The following FNDC3B variants were observed in gnomAD, a reference collection of about 807,000 sequenced individuals.
FNDC3B encodes fibronectin type III domain containing 3B.
Under a neutral mutation model 151.5 loss-of-function variants are expected in FNDC3B, and 12 were observed. The ratio of observed to expected loss-of-function variants is 0.08; its 90% CI spans 0.05 to 0.13. The LOEUF is 0.13. Among genes scored for constraint, FNDC3B ranks in the 10% least tolerant of loss-of-function variants. The pLI is 1.00. For missense variants in FNDC3B, 1,214 were observed against 1,505.3 expected, an observed-to-expected ratio of 0.81 and a Z score of 3.20; for synonymous variants, 528 against 549.0, an observed-to-expected ratio of 0.96 and a Z score of 0.54.
At chr3:172,079,572 G>A (rs1718182061) in intron 1 of FNDC3B, among the ~76,000 whole-genome samples, 1 of 152,306 alleles carries the variant, frequency 6.6e-6, no homozygotes. Context: ...CTGTTGTTGA[G>A]GTCTTACTTT....
intron 6 of FNDC3B, among the ~76,000 whole-genome samples, chr3:172,279,832 G>A (rs1012664456): frequency 2.6e-5 from 4 of 152,062 alleles, no homozygotes; most frequent in African/African-American, 9.7e-5. Flanking sequence ...CCCAGCATAA[G>A]TAATATTTCA....
chr3:172,347,463 G>T, intron 21 of FNDC3B, 102 bp downstream of exon 21: 1 of 825,488 alleles, frequency 1.2e-6, no homozygotes, highest in East Asian at 2.9e-5. Context: ...TGTCAGGAGG[G>T]ATGATATGGA....
chr3:172,057,837 T>C (rs780818294), intron 1 of FNDC3B, among the ~76,000 whole-genome samples: 4 of 151,788 alleles, frequency 2.6e-5, no homozygotes, highest in Non-Finnish European at 5.9e-5. Flanking sequence ...AAATGCTGTC[T>C]ACACCCATTA....
At chr3:172,114,013 G>A (rs1720120199) in intron 2 of FNDC3B, among the ~76,000 whole-genome samples, 1 of 152,160 alleles carries the variant, frequency 6.6e-6, no homozygotes, top group South Asian at 2.1e-4. Flanking sequence ...CTTCTCGCTG[G>A]TCTCTCTGCT....
At chr3:172,297,270 C>T (rs1348153058) in intron 8 of FNDC3B, among the ~76,000 whole-genome samples, 2 of 152,166 alleles carry the variant, frequency 1.3e-5, no homozygotes, top group African/African-American at 4.8e-5. Flanking sequence ...CAGGCAAGGT[C>T]TGGACACAGC....
chr3:172,070,537 CG>C (rs1681116118), intron 1 of FNDC3B, among the ~76,000 whole-genome samples: 1 of 152,106 alleles, frequency 6.6e-6, no homozygotes. Context: ...TAGTGGCTGA[CG>C]AGGGGAGAAG....
At chr3:172,110,070 C>T (rs1192099617) in intron 1 of FNDC3B, among the ~76,000 whole-genome samples, 3 of 152,130 alleles carry the variant, frequency 2.0e-5, no homozygotes, top group African/African-American at 4.8e-5. Flanking sequence ...TGCTATTTAG[C>T]GGGGTTGGAT....
intron 1 of FNDC3B, among the ~76,000 whole-genome samples, chr3:172,079,088 A>G (rs769469637): frequency 1.5e-4 from 23 of 152,294 alleles, no homozygotes; most frequent in Non-Finnish European, 2.5e-4. Flanking sequence ...ATATAAGGTC[A>G]GTGTTGGTTG....
At chr3:172,361,578 T>G (rs532555017) in intron 22 of FNDC3B, among the ~76,000 whole-genome samples, 51 of 152,156 alleles carry the variant, frequency 3.4e-4, no homozygotes, top group Admixed American at 6.6e-4. Flanking sequence ...CTGCCCATAT[T>G]TCCATCAGCG....
At chr3:172,296,843 G>A (rs1190320497) in intron 8 of FNDC3B, among the ~76,000 whole-genome samples, 1 of 152,214 alleles carries the variant, frequency 6.6e-6, no homozygotes, top group Non-Finnish European at 1.5e-5. Context: ...TATGAGACCT[G>A]TGGATATGCA....
intron 3 of FNDC3B, among the ~76,000 whole-genome samples, chr3:172,214,675 A>G (rs1454836806): frequency 6.6e-6 from 1 of 151,946 alleles, no homozygotes; most frequent in Non-Finnish European, 1.5e-5. Context: ...TTCCATTTCC[A>G]TAATCACTTT....
chr3:172,337,579 A>G, intron 16 of FNDC3B, 178 bp downstream of exon 16: 1 of 515,266 alleles, frequency 1.9e-6, no homozygotes, highest in East Asian at 3.2e-5. Flanking sequence ...AGCACCAGAG[A>G]TCAGAGTCTA....
In FNDC3B at chr3:172,377,889, A is replaced by G. The variant is rs535147338; in HGVS notation, c.3009-381A>G. ...CTTATTTCTCAGGTGTCCTGTTAAC[A>G]TTAACTTCATTGCCTAGTACATAGT... On this transcript the variant is annotated intron_variant, in intron 23 of 25. Coordinates refer to ENST00000415807, the MANE Select transcript of FNDC3B (RefSeq NM_022763.4). 2.3e-3 allele frequency among the ~76,000 whole-genome samples: 350 copies of G among 152,326 alleles called. 2 individuals carry two copies. Among genetic ancestry groups the G allele is most frequent in the African/African-American group, 7.7e-3 (319 of 41,580 alleles).
chr3:172,066,299 T>A (rs1717493706), intron 1 of FNDC3B, among the ~76,000 whole-genome samples: 1 of 152,224 alleles, frequency 6.6e-6, no homozygotes, highest in Non-Finnish European at 1.5e-5. Flanking sequence ...TTTTGCCATT[T>A]TAGGCATTAG....
At chr3:172,193,478 C>T (rs1251678514) in intron 3 of FNDC3B, among the ~76,000 whole-genome samples, 1 of 150,296 alleles carries the variant, frequency 6.7e-6, no homozygotes, top group Non-Finnish European at 1.5e-5. Flanking sequence ...AGACCAGTTA[C>T]TTTGAGTGAC....
intron 3 of FNDC3B, among the ~76,000 whole-genome samples, chr3:172,141,090 A>G (rs1034217991): frequency 6.6e-6 from 1 of 152,178 alleles, no homozygotes. Context: ...ATCCATTGTA[A>G]GTGTCATTAT....
intron 4 of FNDC3B, among the ~76,000 whole-genome samples, chr3:172,238,914 T>C (rs1727310773): frequency 6.6e-6 from 1 of 152,210 alleles, no homozygotes; most frequent in African/African-American, 2.4e-5. Context: ...GAATGATAGA[T>C]ATAAAATTAA....
chr3:172,201,693 C>T (rs1725163392), intron 3 of FNDC3B, among the ~76,000 whole-genome samples: 1 of 152,310 alleles, frequency 6.6e-6, no homozygotes, highest in South Asian at 2.1e-4. Context: ...TTCTCCAACT[C>T]CAGACCATGG....
chr3:172,219,722 T>C (rs1305691974), intron 3 of FNDC3B, among the ~76,000 whole-genome samples: 1 of 152,238 alleles, frequency 6.6e-6, no homozygotes, highest in African/African-American at 2.4e-5. Flanking sequence ...AATCACACAA[T>C]ATGGGTGATC....
Sources: gnomAD v4.1 joint callset for allele counts (sites outside exome capture counted in the v4.1 genomes callset) on GRCh38, gnomAD v4.1.1 for gene constraint, MANE v1.5 for transcripts, NCBI Gene and HGNC (gene_info 2026-07-23, HGNC 2026-07-21) for gene names.